Variants in ACKR2 observed in about 807,000 individuals in gnomAD.
The protein encoded by ACKR2 is C-C chemokine receptor D6.
For missense variants in ACKR2, 457 were observed against 477.3 expected (o/e 0.96, Z 0.40); for synonymous variants, 207 against 192.2 (o/e 1.08, Z -0.64).
chr3:42,837,849 C>G lies in ACKR2; in HGVS notation c.-38+18138C>G, dbSNP rs115386275. 8.3e-3 allele frequency among the ~76,000 whole-genome samples: 1,264 copies of G among 152,296 alleles called. 8 individuals carry two copies. The highest frequency in any genetic ancestry group is 0.014 in the Non-Finnish European group (919 of 68,012). ...ATACAAAGAGGAAATCAGCCCCCAT[C>G]TCCCTGGACTTCCATGCCATTTATT... On this transcript the variant is annotated intron_variant, in intron 2 of 2. Coordinates refer to ENST00000422265, the MANE Select transcript of ACKR2 (RefSeq NM_001296.5).
chr3:42,852,121 A>G lies in ACKR2; in HGVS notation c.-37-12345A>G, dbSNP rs2125619728. Reference sequence around the variant, plus strand: ...ATTATAGGTGAGAAAGCTAAGTATCAGAGAGGTTAAATAATGAGCTCGGAG... The same window carrying G: ...ATTATAGGTGAGAAAGCTAAGTATCGGAGAGGTTAAATAATGAGCTCGGAG... On this transcript the variant is annotated intron_variant, in intron 2 of 2. Coordinates refer to ENST00000422265, the MANE Select transcript of ACKR2 (RefSeq NM_001296.5). This position sits in a 1 kb window ranked among gnomAD's most constrained non-coding sequence, Gnocchi z 4.3. Among the ~76,000 whole-genome samples the G allele has an allele frequency of 6.6e-6, 1 of 152,340 alleles. No homozygotes were observed. The highest frequency in any genetic ancestry group is 2.1e-4 in the South Asian group (1 of 4,830).
intron 2 of ACKR2, among the ~76,000 whole-genome samples, chr3:42,821,422 G>A (rs1700808637): frequency 6.6e-6 from 1 of 151,668 alleles, no homozygotes; most frequent in Non-Finnish European, 1.5e-5. Flanking sequence ...TTTCCTACGT[G>A]CACTGCTGCA....
At chr3:42,854,857 T>C (rs1286709383) in intron 2 of ACKR2, among the ~76,000 whole-genome samples, 1 of 143,394 alleles carries the variant, frequency 7.0e-6, no homozygotes, top group African/African-American at 2.5e-5. Flanking sequence ...ATACCTTTCT[T>C]TTTTTTTTTT....
rs368293996 is a variant in ACKR2, at chr3:42,848,432, A to T, written c.-37-16034A>T. Reference sequence around the variant, plus strand: ...GAGGTTTCGCCATGTTGCCCAGGCTAGTCTCGAACTCTGAGACTCAAGCCA... The same window carrying T: ...GAGGTTTCGCCATGTTGCCCAGGCTTGTCTCGAACTCTGAGACTCAAGCCA... On this transcript the variant is annotated intron_variant, in intron 2 of 2. Coordinates refer to ENST00000422265, the MANE Select transcript of ACKR2 (RefSeq NM_001296.5). Among the ~76,000 whole-genome samples, 393 of 152,114 alleles carry T rather than the reference A, an allele frequency of 2.6e-3. 4 individuals carry two copies. Among genetic ancestry groups the T allele is most frequent in the African/African-American group, 9.1e-3 (378 of 41,502 alleles).
intron 1 of ACKR2, among the ~76,000 whole-genome samples, chr3:42,816,551 C>T (rs971586024): frequency 2.0e-5 from 3 of 151,550 alleles, no homozygotes; most frequent in Admixed American, 6.6e-5. Flanking sequence ...TGAACTGAGG[C>T]ACTCAGTTCA....
At chr3:42,813,542 A>T (rs1481006603) in intron 1 of ACKR2, among the ~76,000 whole-genome samples, 4 of 152,196 alleles carry the variant, frequency 2.6e-5, no homozygotes, top group Admixed American at 2.0e-4. Flanking sequence ...AGTGCTACAC[A>T]CTTTTAAACA....
intron 2 of ACKR2, among the ~76,000 whole-genome samples, chr3:42,840,587 T>A (rs114786301): frequency 1.9e-3 from 282 of 152,318 alleles, no homozygotes; most frequent in African/African-American, 6.3e-3. Context: ...TAACTTGACT[T>A]GTAAGTGGCA....
intron 2 of ACKR2, among the ~76,000 whole-genome samples, chr3:42,860,082 T>G (rs549556915): frequency 7.0e-6 from 1 of 143,748 alleles, no homozygotes; most frequent in South Asian, 2.3e-4. Context: ...TGTGCTGTAT[T>G]CAGGAGACTC....
At chr3:42,818,262 C>T (rs1005788923) in intron 1 of ACKR2, among the ~76,000 whole-genome samples, 5 of 152,220 alleles carry the variant, frequency 3.3e-5, no homozygotes, top group Admixed American at 6.5e-5. Flanking sequence ...AATTCCCTGA[C>T]GTGTTTGATG....
At position 42,829,026 on chromosome 3, in the gene ACKR2, C is replaced by T. The variant is rs143389803; in HGVS notation, c.-38+9315C>T. Among the ~76,000 whole-genome samples, 99 of 151,966 alleles carry T rather than the reference C, an allele frequency of 6.5e-4. No individual in the cohort carries two copies. The East Asian group carries it at 0.013, about 20-fold the overall frequency. On this transcript the variant is annotated intron_variant, in intron 2 of 2. Transcript: ENST00000422265. ...GAGCATCAAGCCATCTGAAATTGGA[C>T]GGAATTAAAGAGTTAGAAAAGGAAC... is the stretch of plus-strand genomic sequence containing the variant.
intron 2 of ACKR2, among the ~76,000 whole-genome samples, chr3:42,826,586 CTCTT>C (rs1157494580): frequency 6.6e-6 from 1 of 151,892 alleles, no homozygotes; most frequent in Non-Finnish European, 1.5e-5. Context: ...GTGATTCTCT[CTCTT>C]TTATTTCTGA....
At chr3:42,817,721 C>CCA (rs1700767085) in intron 1 of ACKR2, among the ~76,000 whole-genome samples, 1 of 152,168 alleles carries the variant, frequency 6.6e-6, no homozygotes, top group Admixed American at 6.5e-5. Flanking sequence ...TCCCCCCAAC[C>CCA]CAGCTCTCTC....
intron 2 of ACKR2, among the ~76,000 whole-genome samples, chr3:42,827,025 C>T (rs1202849010): frequency 6.6e-6 from 1 of 152,048 alleles, no homozygotes; most frequent in East Asian, 1.9e-4. Context: ...GTTTTGAATT[C>T]CCCAAATTTT....
Position 42,865,357 on chromosome 3 carries a change from G to T in ACKR2, c.855G>T (p.Glu285Asp), listed in dbSNP as rs777989602. Residue 285 changes from glutamate to aspartate, a missense_variant, in exon 3 of 3, where the codon GAG (glutamate) becomes GAT (aspartate). Coordinates refer to ENST00000422265, the MANE Select transcript of ACKR2 (RefSeq NM_001296.5). ...ACCTGCAAGTATTCGGGAACTGTGA[G>T]GTCAGCCAGCATCTAGACTACGCAC... ...LLDLQVFGNC[E>D]VSQHLDYALQ... The T allele has an allele frequency of 6.2e-7, 1 of 1,614,196 alleles. No homozygotes were observed. Among genetic ancestry groups the T allele is most frequent in the Non-Finnish European group, 8.5e-7 (1 of 1,180,040 alleles).
chr3:42,843,319 C>CA (rs1559689695), intron 2 of ACKR2, among the ~76,000 whole-genome samples: 1 of 152,096 alleles, frequency 6.6e-6, no homozygotes, highest in African/African-American at 2.4e-5. Flanking sequence ...GATCTGCCCC[C>CA]CCAGCCTCCC....
At chr3:42,839,205 A>G (rs564991085) in intron 2 of ACKR2, 1 of 152,002 alleles carries the variant, frequency 6.6e-6, no homozygotes, top group South Asian at 2.1e-4. Flanking sequence ...CTGCCCAGCC[A>G]CTATAAAAAC....
Position 42,864,918 on chromosome 3 carries a change from G to A in ACKR2, c.416G>A (p.Ser139Asn). Residue 139 changes from serine (S) to asparagine (N), a missense_variant, in exon 3 of 3, where the codon AGC (serine) becomes AAC (asparagine). Physicochemically the swap from Ser to Asn is conservative, Grantham distance 46. Coordinates refer to ENST00000422265, the MANE Select transcript of ACKR2 (RefSeq NM_001296.5). ...YSGIFFISCM[S>N]LDKYLEIVHA... ...GGCATCTTTTTCATTAGCTGCATGA[G>A]CCTGGACAAGTACCTGGAGATCGTT... 1.2e-6 allele frequency: 2 copies of A among 1,614,132 alleles called. No individual in the cohort carries two copies. Among genetic ancestry groups the A allele is most frequent in the Middle Eastern group, 1.6e-4 (1 of 6,062 alleles).
At chr3:42,830,020 ATATTTAC>A (rs1474906168) in intron 2 of ACKR2, among the ~76,000 whole-genome samples, 182 of 152,322 alleles carry the variant, frequency 1.2e-3, no homozygotes, top group African/African-American at 4.1e-3. Flanking sequence ...TAGATGTCTA[ATATTTAC>A]TAAACAAATA....
At chr3:42,838,878 C>T (rs1471733952) in intron 2 of ACKR2, among the ~76,000 whole-genome samples, 2 of 152,208 alleles carry the variant, frequency 1.3e-5, no homozygotes, top group Admixed American at 6.5e-5. Context: ...TAATTTGCTG[C>T]AGACACTTTG....
Sources: gnomAD v4.1 joint callset for allele counts (sites outside exome capture counted in the v4.1 genomes callset) on GRCh38, gnomAD v4.1.1 for gene constraint, Gnocchi (gnomAD v3.1) non-coding constraint, MANE v1.5 for transcripts, NCBI Gene and HGNC (gene_info 2026-07-23, HGNC 2026-07-21) for gene names.